The following HIVEP1 variants were observed in gnomAD, a reference collection of about 807,000 sequenced individuals.
The protein encoded by HIVEP1 is zinc finger protein 40.
A neutral mutation model predicts 180.0 loss-of-function variants in HIVEP1; 36 were observed. The ratio of observed to expected loss-of-function variants is 0.20; its 90% CI spans 0.15 to 0.26. The LOEUF (loss-of-function observed/expected upper bound fraction) is 0.26, where lower values mean the gene tolerates loss of function less well. Among genes scored for constraint, HIVEP1 ranks in the 10% least tolerant of loss-of-function variants. The pLI, the probability that HIVEP1 is intolerant of heterozygous loss-of-function variation, is 1.00. For missense variants in HIVEP1, 3,143 were observed against 3,268.7 expected (o/e 0.96, Z 0.94); for synonymous variants, 1,239 against 1,239.0 (o/e 1.00, Z 0.00).
chr6:12,141,235 A>G (rs1178237059), intron 7 of HIVEP1, among the ~76,000 whole-genome samples: 1 of 152,146 alleles, frequency 6.6e-6, no homozygotes, highest in Admixed American at 6.5e-5. Context: ...TAAAGAAAAG[A>G]ATTTTCAACC....
At chr6:12,211,916 A>AT in the HIVEP1 span, among the ~76,000 whole-genome samples, 1 of 151,904 alleles carries the variant, frequency 6.6e-6, no homozygotes, top group Non-Finnish European at 1.5e-5. Context: ...CCTAAAAAAA[A>AT]TTTTTTTTAA....
chr6:12,124,637 T>C lies in HIVEP1; in HGVS notation c.4842T>C (p.Pro1614=), dbSNP rs767114369. ...TTGACAGCATGTCTAATTCGCATCC[T>C]CTGCTACCACCAGAGCTCAGGCCCC... ...KLIDSMSNSH[P]LLPPELRPLG... is the part of the protein sequence containing the mutation. The change falls in exon 4 of 9, where the codon CCT becomes CCC. Residue 1614 remains proline, a synonymous_variant. Transcript: ENST00000379388. 17 of 1,614,066 alleles carry C rather than the reference T, an allele frequency of 1.1e-5. No individual in the cohort carries two copies. Among genetic ancestry groups the C allele is most frequent in the Non-Finnish European group, 1.4e-5 (17 of 1,180,036 alleles).
At chr6:12,052,767 A>G (rs1770622053) in intron 2 of HIVEP1, among the ~76,000 whole-genome samples, 1 of 152,186 alleles carries the variant, frequency 6.6e-6, no homozygotes. Context: ...ACCACAATTT[A>G]CTTTCTTTTC....
chr6:12,129,357 G>A (rs1336462381), intron 4 of HIVEP1, among the ~76,000 whole-genome samples: 1 of 152,196 alleles, frequency 6.6e-6, no homozygotes, highest in African/African-American at 2.4e-5. Flanking sequence ...AAAAGGAGTA[G>A]CTAGCTCTTT....
rs771724908 is a variant in HIVEP1 at position 12,125,714 on chromosome 6, T to G, written c.5919T>G (p.Ser1973Arg). 6.2e-7 allele frequency: 1 copy of G among 1,614,202 alleles called. No homozygotes were observed. Among genetic ancestry groups the G allele is most frequent in the Non-Finnish European group, 8.5e-7 (1 of 1,180,030 alleles). Reference sequence around the variant, plus strand: ...ATACTGATTGGACAGTAAGCGCCAGTAATCCAAATCCACTCGGTTTGCCCA... The same window carrying G: ...ATACTGATTGGACAGTAAGCGCCAGGAATCCAAATCCACTCGGTTTGCCCA... Reference protein sequence around the residue: ...SAYTDWTVSASNPNPLGLPTK... With the variant: ...SAYTDWTVSARNPNPLGLPTK... Residue 1973 changes from serine (S) to arginine (R), a missense_variant, in exon 4 of 9, where the codon AGT (serine) becomes AGG (arginine). Ser to Arg is a moderately radical substitution (Grantham distance 110). This residue lies in a region of HIVEP1 where 1,357 missense variants were observed against 1,260.5 expected (regional missense o/e 1.08). Transcript: ENST00000379388.
chr6:12,018,663 G>A (rs970988207), intron 2 of HIVEP1, among the ~76,000 whole-genome samples: 29 of 152,318 alleles, frequency 1.9e-4, no homozygotes, highest in African/African-American at 6.0e-4. Context: ...TTTAGGGAAG[G>A]AAAGTTAACA....
chr6:12,182,250 G>C, the HIVEP1 span, among the ~76,000 whole-genome samples: 2 of 152,094 alleles, frequency 1.3e-5, no homozygotes, highest in Admixed American at 1.3e-4. Context: ...ATTTATGTGT[G>C]ATATCAGTAC....
the HIVEP1 span, among the ~76,000 whole-genome samples, chr6:12,201,805 T>G: frequency 6.6e-6 from 1 of 152,236 alleles, no homozygotes; most frequent in African/African-American, 2.4e-5. Flanking sequence ...ATTAAAAGTT[T>G]CTTTTGAAAA....
chr6:12,119,389 G>T (rs920791152), intron 3 of HIVEP1, among the ~76,000 whole-genome samples: 3 of 152,230 alleles, frequency 2.0e-5, no homozygotes, highest in Non-Finnish European at 2.9e-5. Flanking sequence ...CATCTGGCAA[G>T]AAGTCTATTC....
chr6:12,021,879 G>A (rs1030808795), intron 2 of HIVEP1, among the ~76,000 whole-genome samples: 4 of 152,128 alleles, frequency 2.6e-5, no homozygotes, highest in African/African-American at 9.7e-5. Context: ...TGGCCAGGCT[G>A]GTCTTGAACT....
chr6:12,140,221 G>A (rs980399286), intron 7 of HIVEP1, among the ~76,000 whole-genome samples: 3 of 152,188 alleles, frequency 2.0e-5, no homozygotes, highest in African/African-American at 7.2e-5. Flanking sequence ...AGGCATACAG[G>A]GCCTGGAGTG....
At chr6:12,041,884 C>A (rs1459319534) in intron 2 of HIVEP1, among the ~76,000 whole-genome samples, 1 of 151,890 alleles carries the variant, frequency 6.6e-6, no homozygotes, top group Non-Finnish European at 1.5e-5. Context: ...TGGTCTTGAT[C>A]TCCTGACCTT....
At position 12,123,273 on chromosome 6, in the gene HIVEP1, G is replaced by C; in HGVS notation, c.3478G>C (p.Val1160Leu). Residue 1160 changes from valine to leucine, a missense_variant, in exon 4 of 9, where the codon GTT becomes CTT. Coordinates refer to ENST00000379388, the MANE Select transcript of HIVEP1 (RefSeq NM_002114.4). ...TGAGCCTTTTGAAAGAGCCTCCCCA[G>C]TTTCTTTCCAGGAGCTGAATAGAAC... is the stretch of plus-strand genomic sequence containing the variant. ...KPEPFERASP[V>L]SFQELNRTGK... 1 of 1,614,130 alleles carries C rather than the reference G, an allele frequency of 6.2e-7. No individual in the cohort carries two copies. Among genetic ancestry groups the C allele is most frequent in the South Asian group, 1.1e-5 (1 of 91,074 alleles).
At chr6:12,159,216 G>A (rs527339401) in intron 7 of HIVEP1, among the ~76,000 whole-genome samples, 29 of 152,122 alleles carry the variant, frequency 1.9e-4, no homozygotes, top group Non-Finnish European at 2.6e-4. Flanking sequence ...GTGCGCGCGC[G>A]CGTGCACGTG....
At chr6:12,047,443 G>C (rs1405718951) in intron 2 of HIVEP1, among the ~76,000 whole-genome samples, 2 of 152,248 alleles carry the variant, frequency 1.3e-5, no homozygotes, top group Non-Finnish European at 2.9e-5. Context: ...GGCATAACTG[G>C]GCGAAGGGAG....
upstream of HIVEP1, among the ~76,000 whole-genome samples, chr6:12,009,252 G>A (rs934611639): frequency 3.3e-5 from 5 of 150,712 alleles, no homozygotes; most frequent in Admixed American, 3.3e-4. Flanking sequence ...AGCCGTGGAC[G>A]CAGCGGCGGG....
At chr6:12,202,855 A>G in the HIVEP1 span, among the ~76,000 whole-genome samples, 4 of 152,196 alleles carry the variant, frequency 2.6e-5, no homozygotes, top group Admixed American at 1.3e-4. Context: ...GTCACTAGAA[A>G]GCTACCTAGA....
At chr6:12,155,569 T>C (rs1161670968) in intron 7 of HIVEP1, among the ~76,000 whole-genome samples, 1 of 152,202 alleles carries the variant, frequency 6.6e-6, no homozygotes. Flanking sequence ...TCCATCTATG[T>C]CCCTGCAAAG....
downstream of HIVEP1, among the ~76,000 whole-genome samples, chr6:12,168,205 T>TAG (rs1760795803): frequency 4.0e-5 from 4 of 101,074 alleles, no homozygotes; most frequent in Middle Eastern, 6.0e-3. Context: ...TATATATACA[T>TAG]ATATACATAT....
Sources: allele counts gnomAD v4.1 joint callset (sites outside exome capture counted in the v4.1 genomes callset), GRCh38; gene constraint gnomAD v4.1.1; regional missense constraint gnomAD v4.1.1; transcripts MANE v1.5; gene names NCBI Gene and HGNC (gene_info 2026-07-23, HGNC 2026-07-21).